GABRG3: variants seen among roughly 807,000 people sequenced by gnomAD.
The protein encoded by GABRG3 is gamma-aminobutyric acid type A receptor subunit gamma3, also known as gamma-aminobutyric acid receptor subunit gamma-3.
GABRG3 carries 25 observed loss-of-function variants against 48.8 expected under a neutral mutation model. The observed-to-expected ratio is 0.51, with a 90% CI of 0.37 to 0.72. GABRG3 has a LOEUF of 0.72. Among genes scored for constraint, GABRG3 ranks in the 30% least tolerant of loss-of-function variants. GABRG3 has a pLI of 0.00. For missense variants in GABRG3, 394 were observed against 577.9 expected, an observed-to-expected ratio of 0.68 and a Z score of 3.26; for synonymous variants, 227 against 217.6, an observed-to-expected ratio of 1.04 and a Z score of -0.38.
chr15:27,306,341 A>G (rs1022720153), intron 3 of GABRG3, among the ~76,000 whole-genome samples: 2 of 125,302 alleles, frequency 1.6e-5, no homozygotes, highest in Non-Finnish European at 3.4e-5. Context: ...AACATAAAAT[A>G]TAAACATGTC....
chr15:27,062,042 C>G (rs1489704932), intron 3 of GABRG3, among the ~76,000 whole-genome samples: 1 of 152,232 alleles, frequency 6.6e-6, no homozygotes, highest in Non-Finnish European at 1.5e-5. Context: ...CAGAATCTCT[C>G]TCATCCACCA....
intron 5 of GABRG3, among the ~76,000 whole-genome samples, chr15:27,469,395 C>T (rs1441867396): frequency 2.0e-5 from 3 of 152,114 alleles, no homozygotes; most frequent in African/African-American, 4.8e-5. Flanking sequence ...GGCTAGAGTG[C>T]AGTGGCACAA....
At chr15:27,221,981 G>T (rs1368563080) in intron 3 of GABRG3, among the ~76,000 whole-genome samples, 1 of 152,194 alleles carries the variant, frequency 6.6e-6, no homozygotes, top group Non-Finnish European at 1.5e-5. Context: ...GTTTTCCTGA[G>T]CTGAAGTTCT....
chr15:27,486,928 A>G (rs2150847467), intron 6 of GABRG3, among the ~76,000 whole-genome samples: 1 of 152,320 alleles, frequency 6.6e-6, no homozygotes, highest in South Asian at 2.1e-4. Context: ...CTATAGTGAG[A>G]TTTATATCTT....
intron 3 of GABRG3, among the ~76,000 whole-genome samples, chr15:27,272,959 G>A (rs553361757): frequency 1.1e-4 from 16 of 152,254 alleles, no homozygotes; most frequent in African/African-American, 2.9e-4. Flanking sequence ...GTCTGTTGCC[G>A]CCACTCATCC....
At chr15:27,077,645 A>G (rs1896930855) in intron 3 of GABRG3, among the ~76,000 whole-genome samples, 1 of 152,140 alleles carries the variant, frequency 6.6e-6, no homozygotes, top group African/African-American at 2.4e-5. Flanking sequence ...GATTTCCAGA[A>G]TGTTTTGAGA....
intron 2 of GABRG3, among the ~76,000 whole-genome samples, chr15:26,993,129 C>T (rs1218232961): frequency 4.0e-5 from 6 of 151,852 alleles, no homozygotes; most frequent in Admixed American, 3.9e-4. Flanking sequence ...AAAGGTTTGT[C>T]AATTTTGTTT....
chr15:27,524,328 A>G (rs1008845890), intron 7 of GABRG3, among the ~76,000 whole-genome samples: 2 of 152,098 alleles, frequency 1.3e-5, no homozygotes, highest in South Asian at 2.1e-4. Flanking sequence ...ACAAAGAAGA[A>G]CAAAGAGAAT....
chr15:27,017,004 A>G (rs1211730281), intron 2 of GABRG3, among the ~76,000 whole-genome samples: 1 of 152,038 alleles, frequency 6.6e-6, no homozygotes, highest in East Asian at 1.9e-4. Context: ...TAAAAATTTC[A>G]TTAGTTTTTT....
intron 3 of GABRG3, among the ~76,000 whole-genome samples, chr15:27,307,234 A>G (rs910179720): frequency 9.7e-5 from 13 of 133,520 alleles, no homozygotes; most frequent in Admixed American, 1.6e-4. Context: ...TGTTTATATT[A>G]TATGTTTATA....
intron 3 of GABRG3, among the ~76,000 whole-genome samples, chr15:27,145,054 G>C (rs1358810490): frequency 6.6e-6 from 1 of 152,160 alleles, no homozygotes; most frequent in Non-Finnish European, 1.5e-5. Context: ...GATATCACAA[G>C]ATTTGCCACA....
At chr15:27,150,302 T>C (rs1337028413) in intron 3 of GABRG3, among the ~76,000 whole-genome samples, 1 of 152,182 alleles carries the variant, frequency 6.6e-6, no homozygotes, top group Non-Finnish European at 1.5e-5. Context: ...GGCAAATGGG[T>C]GTTTTCATTT....
chr15:27,414,601 T>C (rs1253275416), intron 5 of GABRG3, among the ~76,000 whole-genome samples: 1 of 152,234 alleles, frequency 6.6e-6, no homozygotes, highest in African/African-American at 2.4e-5. Flanking sequence ...AAGCATCCAC[T>C]TAATGCATTT....
At chr15:27,015,529 T>G (rs1895763035) in intron 2 of GABRG3, among the ~76,000 whole-genome samples, 1 of 151,654 alleles carries the variant, frequency 6.6e-6, no homozygotes, top group South Asian at 2.1e-4. Context: ...GGACTACAGG[T>G]GCCCACCACC....
chr15:27,198,580 CAG>C (rs1368172496), intron 3 of GABRG3, among the ~76,000 whole-genome samples: 1 of 152,180 alleles, frequency 6.6e-6, no homozygotes, highest in Admixed American at 6.5e-5. Context: ...TTGTGGAAGA[CAG>C]TGTGGTGATT....
intron 2 of GABRG3, among the ~76,000 whole-genome samples, chr15:26,994,864 G>A (rs934800566): frequency 1.3e-5 from 2 of 151,792 alleles, no homozygotes; most frequent in Admixed American, 6.6e-5. Flanking sequence ...CTTGTTTTAT[G>A]GCTTAGCATA....
At chr15:27,029,384 A>G (rs1896040541) in intron 3 of GABRG3, among the ~76,000 whole-genome samples, 1 of 152,182 alleles carries the variant, frequency 6.6e-6, no homozygotes. Context: ...ACGTACTACT[A>G]GCCTACCTCG....
chr15:27,302,508 G>GA (rs1321735266), intron 3 of GABRG3, among the ~76,000 whole-genome samples: 2 of 151,936 alleles, frequency 1.3e-5, no homozygotes, highest in Non-Finnish European at 2.9e-5. Flanking sequence ...AGACAAAACT[G>GA]AAAACAGAAA....
intron 5 of GABRG3, among the ~76,000 whole-genome samples, chr15:27,333,536 T>TA (rs1185808060): frequency 6.6e-6 from 1 of 152,170 alleles, no homozygotes; most frequent in Non-Finnish European, 1.5e-5. Context: ...CCTGTGTGAT[T>TA]AGGTTGGGCT....
Sources: allele counts gnomAD v4.1 joint callset (sites outside exome capture counted in the v4.1 genomes callset), GRCh38; gene constraint gnomAD v4.1.1; transcripts MANE v1.5; gene names NCBI Gene and HGNC (gene_info 2026-07-23, HGNC 2026-07-21).